Variants in CDK5RAP2 observed in about 807,000 individuals in gnomAD.
CDK5RAP2 encodes CDK5 regulatory subunit-associated protein 2.
CDK5RAP2 carries 147 observed loss-of-function variants against 232.9 expected under a neutral mutation model. The ratio of observed to expected loss-of-function variants is 0.63; its 90% CI spans 0.55 to 0.72. The LOEUF (loss-of-function observed/expected upper bound fraction) is 0.72. Ranked by LOEUF, CDK5RAP2 falls within the 30% of genes least tolerant of loss-of-function variation. The probability of loss-of-function intolerance (pLI) is 0.00; values close to 1 mark genes in which losing one functional copy is unlikely to be tolerated. For missense variants in CDK5RAP2, 2,195 were observed against 2,231.5 expected, an observed-to-expected ratio of 0.98 and a Z score of 0.33; for synonymous variants, 833 against 833.7, an observed-to-expected ratio of 1.00 and a Z score of 0.01.
chr9:120,573,265 C>T (rs568335967), intron 1 of CDK5RAP2, among the ~76,000 whole-genome samples: 2 of 151,944 alleles, frequency 1.3e-5, no homozygotes, highest in South Asian at 2.1e-4. Context: ...AAAATGTGTC[C>T]GGGCTGGGTG....
intron 10 of CDK5RAP2, among the ~76,000 whole-genome samples, chr9:120,525,683 A>G (rs2131887482): frequency 6.6e-6 from 1 of 152,086 alleles, no homozygotes; most frequent in African/African-American, 2.4e-5. Flanking sequence ...AGTGGCTGAT[A>G]ACAGCTCACT....
intron 15 of CDK5RAP2, among the ~76,000 whole-genome samples, chr9:120,477,138 T>C (rs113114676): frequency 3.6e-4 from 55 of 152,366 alleles, no homozygotes; most frequent in African/African-American, 1.2e-3. Flanking sequence ...ATCAATTTTG[T>C]TGCCAAAAAT....
Position 120,558,544 on chromosome 9 carries a change from G to A in CDK5RAP2, c.196-7642C>T, listed in dbSNP as rs138892298. On this transcript the variant is annotated intron_variant, in intron 3 of 37. Transcript: ENST00000349780. ...AAACTCCCTGCCACAGCCACAAAGT[G>A]CTGTATCATCTGGCCCCTGTCCACC... Among the ~76,000 whole-genome samples the A allele has an allele frequency of 3.6e-3, 544 of 152,130 alleles. 7 individuals carry two copies. Among genetic ancestry groups the A allele is most frequent in the African/African-American group, 0.012 (512 of 41,488 alleles).
At chr9:120,560,609 A>T (rs1400534575) in intron 3 of CDK5RAP2, among the ~76,000 whole-genome samples, 1 of 152,068 alleles carries the variant, frequency 6.6e-6, no homozygotes, top group Non-Finnish European at 1.5e-5. Context: ...GCATACATAG[A>T]TGGTGGTATT....
intron 5 of CDK5RAP2, among the ~76,000 whole-genome samples, chr9:120,544,176 C>G (rs1222293227): frequency 1.3e-5 from 2 of 152,132 alleles, no homozygotes; most frequent in African/African-American, 4.8e-5. Flanking sequence ...AATACTCAAT[C>G]CCATGTGTTG....
chr9:120,559,290 C>T (rs1474579206), intron 3 of CDK5RAP2, among the ~76,000 whole-genome samples: 1 of 151,786 alleles, frequency 6.6e-6, no homozygotes, highest in East Asian at 1.9e-4. Flanking sequence ...AGATCGAGAC[C>T]ATCTGGCTAA....
In CDK5RAP2 at chr9:120,415,100, T is replaced by C. The variant is rs761856960; in HGVS notation, c.4237A>G (p.Ile1413Val). The C allele has an allele frequency of 4.3e-5, 69 of 1,614,080 alleles. No individual in the cohort carries two copies. The Middle Eastern group carries it at 6.6e-4, about 15-fold the overall frequency. ...TTCCGTAGCTTCTCATTTGTTTTAA[T>C]AGATTCTTCTAAACGCTTTCTCAAA... is the stretch of plus-strand genomic sequence containing the variant. ...RTLRKRLEES[I>V]KTNEKLRKQL... is the part of the protein sequence containing the mutation. The change falls in exon 28 of 38, where the codon ATT (isoleucine) becomes GTT (valine). Residue 1413 changes from isoleucine (I) to valine (V), a missense_variant. Transcript: ENST00000349780.
intron 12 of CDK5RAP2, among the ~76,000 whole-genome samples, chr9:120,492,903 T>C (rs1293577644): frequency 1.3e-5 from 2 of 152,220 alleles, no homozygotes; most frequent in Non-Finnish European, 2.9e-5. Flanking sequence ...AATATCAATA[T>C]GAACTTCTAT....
At chr9:120,540,342 T>C (rs1009780417) in intron 5 of CDK5RAP2, among the ~76,000 whole-genome samples, 1 of 152,184 alleles carries the variant, frequency 6.6e-6, no homozygotes, top group African/African-American at 2.4e-5. Context: ...AACAAATCTA[T>C]TCACCACCAG....
chr9:120,454,709 AAC>A (rs1490393013), intron 20 of CDK5RAP2, among the ~76,000 whole-genome samples: 1 of 152,216 alleles, frequency 6.6e-6, no homozygotes, highest in Non-Finnish European at 1.5e-5. Context: ...GGAAGTGTGA[AAC>A]AGTTTCCATT....
At chr9:120,454,849 T>C (rs2036669548) in intron 20 of CDK5RAP2, among the ~76,000 whole-genome samples, 1 of 152,140 alleles carries the variant, frequency 6.6e-6, no homozygotes, top group African/African-American at 2.4e-5. Context: ...AGTAACCAGA[T>C]CATTATTGCA....
intron 4 of CDK5RAP2, among the ~76,000 whole-genome samples, chr9:120,546,988 T>G (rs547054452): frequency 0.093 from 532 of 5,742 alleles, 3 homozygotes; most frequent in African/African-American, 0.11. Context: ...TGTTTTTTCG[T>G]TTTTTTTGTT....
intron 10 of CDK5RAP2, among the ~76,000 whole-genome samples, chr9:120,526,680 G>A (rs779152591): frequency 6.6e-6 from 1 of 152,004 alleles, no homozygotes; most frequent in Non-Finnish European, 1.5e-5. Context: ...AGTTTTCAGT[G>A]TCCTTAAGTG....
At chr9:120,552,593 A>C (rs1211345402) in intron 3 of CDK5RAP2, among the ~76,000 whole-genome samples, 2 of 151,354 alleles carry the variant, frequency 1.3e-5, no homozygotes, top group Admixed American at 1.3e-4. Context: ...TATCGCAAGG[A>C]TAAAAAACCA....
chr9:120,396,238 T>C (rs1296625765), intron 35 of CDK5RAP2, among the ~76,000 whole-genome samples: 10 of 152,240 alleles, frequency 6.6e-5, no homozygotes, highest in African/African-American at 2.4e-4. Context: ...TTTTAAACAT[T>C]AGGTTTGCTT....
At chr9:120,568,107 G>A (rs1363502513) in intron 3 of CDK5RAP2, among the ~76,000 whole-genome samples, 1 of 152,186 alleles carries the variant, frequency 6.6e-6, no homozygotes, top group Non-Finnish European at 1.5e-5. Context: ...GTTGAAAACT[G>A]CTGATCCCGT....
At chr9:120,471,955 T>G in intron 15 of CDK5RAP2, 77 bp from the exon 16 acceptor site, 1 of 1,583,636 alleles carries the variant, frequency 6.3e-7, no homozygotes. Flanking sequence ...AAAGCCTTCC[T>G]GTGATTTTTA....
At chr9:120,574,821 CTTTTT>C (rs35178148) in intron 1 of CDK5RAP2, among the ~76,000 whole-genome samples, 5 of 128,558 alleles carry the variant, frequency 3.9e-5, no homozygotes, top group Admixed American at 7.8e-5. Flanking sequence ...TTAATGTTGC[CTTTTT>C]TTTTTTTTTT....
rs978332123 is a variant in CDK5RAP2, at chr9:120,453,712, T to C, written c.2537A>G (p.His846Arg). 3 of 1,614,254 alleles carry C rather than the reference T, an allele frequency of 1.9e-6. No homozygotes were observed. The highest frequency in any genetic ancestry group is 2.5e-6 in the Non-Finnish European group (3 of 1,180,044). ...FVQTNSFSKPHDELKLSCEAQ... is the reference protein window; with the variant it reads ...FVQTNSFSKPRDELKLSCEAQ... ...CTCACAAGACAACTTCAGTTCATCATGTGGCTTGGAAAATGAGTTGGTTTG... is the reference window on the plus strand; with the variant it reads ...CTCACAAGACAACTTCAGTTCATCACGTGGCTTGGAAAATGAGTTGGTTTG... The change falls in exon 21 of 38, where the codon CAT becomes CGT. Residue 846 changes from histidine to arginine, a missense_variant. Physicochemically the swap from His to Arg is conservative, Grantham distance 29 (BLOSUM62 0). Coordinates refer to ENST00000349780, the MANE Select transcript of CDK5RAP2 (RefSeq NM_018249.6).
Sources: allele counts gnomAD v4.1 joint callset (sites outside exome capture counted in the v4.1 genomes callset), GRCh38; gene constraint gnomAD v4.1.1; transcripts MANE v1.5; gene names NCBI Gene and HGNC (gene_info 2026-07-23, HGNC 2026-07-21).